The following M1AP variants were observed in gnomAD, a reference collection of about 807,000 sequenced individuals.
M1AP encodes meiosis 1 arrest protein.
In M1AP, 39 loss-of-function variants were observed where a neutral mutation model predicts 51.2. That is an observed-to-expected ratio of 0.76 (90% confidence interval 0.59 to 1.00). The LOEUF (loss-of-function observed/expected upper bound fraction) is 1.00, where lower values mean the gene tolerates loss of function less well. Ranked by LOEUF, M1AP falls within the 50% of genes least tolerant of loss-of-function variation. M1AP has a pLI of 0.00. For synonymous variants in M1AP, 251 were observed against 249.2 expected (o/e 1.01, Z -0.07); for missense variants, 545 against 641.2 (o/e 0.85, Z 1.62).
At chr2:74,606,690 C>T (rs146126636) in intron 4 of M1AP, among the ~76,000 whole-genome samples, 2 of 151,994 alleles carry the variant, frequency 1.3e-5, no homozygotes, top group Non-Finnish European at 2.9e-5. Context: ...ACTTTTCATA[C>T]CCATAAAATT....
intron 4 of M1AP, among the ~76,000 whole-genome samples, chr2:74,588,845 CATTT>C (rs1679870065): frequency 6.6e-6 from 1 of 152,218 alleles, no homozygotes; most frequent in South Asian, 2.1e-4. Context: ...GTCATTCATT[CATTT>C]GCTTAGTCAT....
intron 3 of M1AP, among the ~76,000 whole-genome samples, chr2:74,612,871 T>C (rs892577118): frequency 3.9e-5 from 6 of 152,160 alleles, no homozygotes; most frequent in Non-Finnish European, 4.4e-5. Flanking sequence ...AAATGTTTCT[T>C]CTGTTTCTTT....
chr2:74,636,051 G>C (rs1230032208), intron 2 of M1AP, among the ~76,000 whole-genome samples: 3 of 151,922 alleles, frequency 2.0e-5, no homozygotes, highest in Admixed American at 2.0e-4. Context: ...TGTTGAGAGA[G>C]GGACACTGAA....
chr2:74,599,557 A>G (rs1251281313), intron 4 of M1AP, among the ~76,000 whole-genome samples: 1 of 152,094 alleles, frequency 6.6e-6, no homozygotes, highest in African/African-American at 2.4e-5. Flanking sequence ...CCACATATCA[A>G]GTTTTCATGT....
At position 74,640,290 on chromosome 2, in the gene M1AP, AG is replaced by A. The variant is rs747640442; in HGVS notation, c.-16del. ...CCAGGATGCATGGCAGCAAAACCAG[AG>A]GGGGAACTGTAGCCACCAGCTGGAT... On this transcript the variant is annotated 5_prime_UTR_variant, in exon 2 of 11. Coordinates refer to ENST00000421985, the MANE Select transcript of M1AP (RefSeq NM_001321739.2). 6.2e-7 allele frequency: 1 copy of A among 1,613,706 alleles called. No homozygotes were observed. The highest frequency in any genetic ancestry group is 8.5e-7 in the Non-Finnish European group (1 of 1,179,808).
chr2:74,609,949 C>T (rs1681230351), intron 3 of M1AP, among the ~76,000 whole-genome samples: 1 of 152,066 alleles, frequency 6.6e-6, no homozygotes, highest in African/African-American at 2.4e-5. Context: ...AATCCCTTGT[C>T]AGATGCATAG....
At position 74,640,121 on chromosome 2, in the gene M1AP, G is replaced by A; in HGVS notation, c.155C>T (p.Ala52Val). The A allele has an allele frequency of 6.2e-7, 1 of 1,614,198 alleles. No individual in the cohort carries two copies. The highest frequency in any genetic ancestry group is 1.7e-5 in the Admixed American group (1 of 60,022). Reference sequence around the variant, plus strand: ...GCGGCTGGGGCCCATCAAGCTGCAGGCTAGAGAGAAGAAGTTCTGCAGAGC... The same window carrying A: ...GCGGCTGGGGCCCATCAAGCTGCAGACTAGAGAGAAGAAGTTCTGCAGAGC... ...CEALQNFFSL[A>V]CSLMGPSRMS... The change falls in exon 2 of 11, where the codon GCC (alanine) becomes GTC (valine). Residue 52 changes from alanine to valine, a missense_variant. Ala to Val is a moderately conservative substitution (Grantham distance 64). Transcript: ENST00000421985.
chr2:74,612,638 G>C (rs974695733), intron 3 of M1AP, among the ~76,000 whole-genome samples: 1 of 151,604 alleles, frequency 6.6e-6, no homozygotes, highest in Non-Finnish European at 1.5e-5. Flanking sequence ...CTTCTTTTTT[G>C]ATGTAGGCGT....
chr2:74,568,861 C>G (rs1307025543), intron 7 of M1AP, among the ~76,000 whole-genome samples: 2 of 152,208 alleles, frequency 1.3e-5, no homozygotes, highest in Non-Finnish European at 2.9e-5. Flanking sequence ...CCAGCCTTGA[C>G]TCAGCACAGT....
chr2:74,618,929 G>A lies in M1AP; in HGVS notation c.241-3780C>T, dbSNP rs542355138. 270 of 533,736 alleles carry A rather than the reference G, an allele frequency of 5.1e-4. 1 individual carries two copies. Among genetic ancestry groups the A allele is most frequent in the Admixed American group, 1.1e-3 (58 of 51,534 alleles). The allele number at this position is 533,736 out of a possible 1,614,324, so 33.1% of individuals were successfully genotyped here. On this transcript the variant is annotated intron_variant, in intron 2 of 10. Transcript: ENST00000421985. ...GATTTTCTTGTCTTTGGGGAAAAGC[G>A]TCATTTCCTCTGCCACTCTTGTGAC...
chr2:74,592,788 C>T (rs562767433), intron 4 of M1AP, among the ~76,000 whole-genome samples: 1 of 152,206 alleles, frequency 6.6e-6, no homozygotes, highest in African/African-American at 2.4e-5. Context: ...TTATTATTTA[C>T]ATTTGGATCC....
intron 1 of M1AP, among the ~76,000 whole-genome samples, chr2:74,640,766 TATTTTAACAGCTCCCAAG>T (rs1450303116): frequency 5.3e-5 from 8 of 152,378 alleles, no homozygotes; most frequent in Admixed American, 5.2e-4. Flanking sequence ...CAGGCCATCC[TATTTTAACAGCTCCCAAG>T]AGATCTAGAT....
Position 74,562,236 on chromosome 2 carries a change from T to G in M1AP, c.1262A>C (p.Asp421Ala). ...ACTTGCCTCCACATTCTTAAGGCTA[T>G]CATCATGTGGGTCCTCAGGTAGCAG... ...FPLLPEDPHD[D>A]SLKNVESMLD... is the part of the protein sequence containing the mutation. Residue 421 changes from aspartate to alanine, a missense_variant, in exon 8 of 11, where the codon GAT becomes GCT. By Grantham distance (126) the Asp-to-Ala change is moderately radical (BLOSUM62 -2). Transcript: ENST00000421985. 1.2e-6 allele frequency: 2 copies of G among 1,613,210 alleles called. No homozygotes were observed. The highest frequency in any genetic ancestry group is 1.7e-6 in the Non-Finnish European group (2 of 1,179,344).
chr2:74,639,642 T>C (rs1018973053), intron 2 of M1AP, among the ~76,000 whole-genome samples: 1 of 152,212 alleles, frequency 6.6e-6, no homozygotes, highest in African/African-American at 2.4e-5. Flanking sequence ...AAAGGGCAAG[T>C]CTTGGAAGTT....
At chr2:74,634,409 T>A (rs1170745278) in intron 2 of M1AP, among the ~76,000 whole-genome samples, 1 of 152,168 alleles carries the variant, frequency 6.6e-6, no homozygotes, top group Admixed American at 6.5e-5. Context: ...ACCATGGTGG[T>A]TTTAAATATG....
chr2:74,624,790 A>G (rs1158893046), intron 2 of M1AP, among the ~76,000 whole-genome samples: 1 of 152,202 alleles, frequency 6.6e-6, no homozygotes, highest in Non-Finnish European at 1.5e-5. Flanking sequence ...ATCATTTCAC[A>G]TCATTATAGA....
intron 4 of M1AP, among the ~76,000 whole-genome samples, chr2:74,590,367 T>C (rs1679968579): frequency 6.8e-6 from 1 of 147,914 alleles, no homozygotes; most frequent in African/African-American, 2.5e-5. Context: ...CCTCATGACC[T>C]AATCCACCAT....
intron 8 of M1AP, among the ~76,000 whole-genome samples, chr2:74,561,062 GGGAGGAGGA>G (rs1208357090): frequency 1.4e-4 from 8 of 56,828 alleles, no homozygotes; most frequent in African/African-American, 4.0e-4. Context: ...GGAGGAGGAG[GGGAGGAGGA>G]GGAGGAGGAG....
At chr2:74,609,525 T>G (rs895202467) in intron 3 of M1AP, among the ~76,000 whole-genome samples, 6 of 152,120 alleles carry the variant, frequency 3.9e-5, no homozygotes, top group Non-Finnish European at 7.4e-5. Flanking sequence ...AACCTGGGAG[T>G]GAAGATATCT....
Sources: gnomAD v4.1 joint callset for allele counts (sites outside exome capture counted in the v4.1 genomes callset) on GRCh38, gnomAD v4.1.1 for gene constraint, MANE v1.5 for transcripts, NCBI Gene and HGNC (gene_info 2026-07-23, HGNC 2026-07-21) for gene names.